The following SNX29 variants were observed in gnomAD, a reference collection of about 807,000 sequenced individuals.
SNX29 encodes the protein sorting nexin 29.
SNX29 carries 78 observed loss-of-function variants against 102.1 expected under a neutral mutation model. The observed-to-expected ratio is 0.76, with a 90% CI of 0.64 to 0.92. The LOEUF is 0.92. SNX29 is among the 40% of genes least tolerant of loss of function. The probability of loss-of-function intolerance (pLI) is 0.00; values close to 1 mark genes in which losing one functional copy is unlikely to be tolerated. For missense variants in SNX29, 1,280 were observed against 1,061.7 expected (o/e 1.21, Z -2.86); for synonymous variants, 580 against 414.5 (o/e 1.40, Z -4.85).
intron 14 of SNX29, among the ~76,000 whole-genome samples, chr16:12,233,767 C>A (rs558671107): frequency 1.2e-4 from 19 of 152,202 alleles, no homozygotes; most frequent in South Asian, 1.0e-3. Context: ...CAGTCACTCT[C>A]CACCCCAGGG....
chr16:12,323,451 G>A (rs1057101281), intron 15 of SNX29, among the ~76,000 whole-genome samples: 2 of 151,448 alleles, frequency 1.3e-5, no homozygotes, highest in Admixed American at 6.6e-5. Context: ...AACTTCAAAA[G>A]TACCATGATG....
chr16:12,371,360 G>A (rs925362888), intron 16 of SNX29, among the ~76,000 whole-genome samples: 2 of 151,874 alleles, frequency 1.3e-5, no homozygotes, highest in African/African-American at 4.8e-5. Context: ...GGGCAGTGGT[G>A]TACTTATAGC....
Position 12,334,004 on chromosome 16 carries a change from T to A in SNX29, c.1783-22159T>A, listed in dbSNP as rs147370862. Among the ~76,000 whole-genome samples, 6 of 152,116 alleles carry A rather than the reference T, an allele frequency of 3.9e-5. No individual in the cohort carries two copies. The East Asian group carries it at 1.2e-3, about 29-fold the overall frequency. ...CTTGTCTTCCCCTGTGGCTGATGGGTGTGTTTGTTAAATATCTGGGATGTT... is the reference window on the plus strand; with the variant it reads ...CTTGTCTTCCCCTGTGGCTGATGGGAGTGTTTGTTAAATATCTGGGATGTT... On this transcript the variant is annotated intron_variant, in intron 15 of 20. Transcript: ENST00000566228.
At chr16:12,470,145 C>G (rs2087265395) in intron 18 of SNX29, among the ~76,000 whole-genome samples, 1 of 152,210 alleles carries the variant, frequency 6.6e-6, no homozygotes, top group Non-Finnish European at 1.5e-5. Context: ...CCAGCTAATA[C>G]TAGTTTTCAC....
intron 20 of SNX29, among the ~76,000 whole-genome samples, chr16:12,543,646 T>A (rs954584926): frequency 6.6e-6 from 1 of 152,012 alleles, no homozygotes; most frequent in Non-Finnish European, 1.5e-5. Context: ...TGGTGCCGTC[T>A]GTCTCCAGAC....
chr16:12,311,323 C>T lies in SNX29; in HGVS notation c.1782+33287C>T, dbSNP rs143107697. On this transcript the variant is annotated intron_variant, in intron 15 of 20. Coordinates refer to ENST00000566228, the MANE Select transcript of SNX29 (RefSeq NM_032167.5). ...ATTACAAAGGGGACAGGAATTGAAG[C>T]CCTTGCTCCAAACACAGCCTCTCAC... Among the ~76,000 whole-genome samples, 1,175 of 152,292 alleles carry T rather than the reference C, an allele frequency of 7.7e-3. 8 individuals carry two copies. Among genetic ancestry groups the T allele is most frequent in the Middle Eastern group, 0.017 (5 of 294 alleles).
At chr16:12,310,108 A>G (rs953009650) in intron 15 of SNX29, among the ~76,000 whole-genome samples, 53 of 136,894 alleles carry the variant, frequency 3.9e-4, no homozygotes, top group Admixed American at 3.6e-4. Context: ...ACATGCACAC[A>G]TACACGTGCA....
At chr16:11,984,642 C>A (rs979995829) in intron 1 of SNX29, among the ~76,000 whole-genome samples, 6 of 152,018 alleles carry the variant, frequency 3.9e-5, no homozygotes, top group Non-Finnish European at 7.4e-5. Flanking sequence ...CTCTCTCTCT[C>A]CCTTCCTCCC....
At chr16:12,237,601 G>T (rs773310730) in intron 14 of SNX29, among the ~76,000 whole-genome samples, 2 of 151,188 alleles carry the variant, frequency 1.3e-5, no homozygotes, top group African/African-American at 2.4e-5. Context: ...TGAAACCCCC[G>T]TCTCTACTAA....
In SNX29 at chr16:12,258,846, T is replaced by C. The variant is rs535746121; in HGVS notation, c.1679-19087T>C. On this transcript the variant is annotated intron_variant, in intron 14 of 20. Coordinates refer to ENST00000566228, the MANE Select transcript of SNX29 (RefSeq NM_032167.5). ...GAGCGTTGTTATTTTTTATCTAATATATAATGAGACACCAAGGAGGACTTC... is the reference window on the plus strand; with the variant it reads ...GAGCGTTGTTATTTTTTATCTAATACATAATGAGACACCAAGGAGGACTTC... 6.6e-5 allele frequency among the ~76,000 whole-genome samples: 10 copies of C among 152,258 alleles called. 1 individual carries two copies. In the South Asian group the frequency reaches 1.7e-3, roughly 25 times the overall value.
rs370615332 is a variant in SNX29, at chr16:12,146,488, A to G, written c.1595+16730A>G. On this transcript the variant is annotated intron_variant, in intron 13 of 20. Transcript: ENST00000566228. The stretch of plus-strand genomic sequence containing the variant: ...GCCATGTTGGCCAGGCTGGTCTCGA[A>G]CTCTTGACCTCAAGTGATCCACCCG... Among the ~76,000 whole-genome samples, 13 of 152,120 alleles carry G rather than the reference A, an allele frequency of 8.5e-5. No homozygotes were observed. In the East Asian group the frequency reaches 1.7e-3, roughly 20 times the overall value.
intron 3 of SNX29, among the ~76,000 whole-genome samples, chr16:12,005,621 A>G (rs2056426955): frequency 6.6e-6 from 1 of 152,080 alleles, no homozygotes; most frequent in Admixed American, 6.6e-5. Context: ...CTTCATTACC[A>G]TGCTGTCCAC....
At chr16:11,985,079 A>G (rs1440186128) in intron 1 of SNX29, among the ~76,000 whole-genome samples, 4 of 152,016 alleles carry the variant, frequency 2.6e-5, no homozygotes, top group Non-Finnish European at 5.9e-5. Context: ...TTAACATCGA[A>G]GAGTTTATCA....
intron 3 of SNX29, among the ~76,000 whole-genome samples, chr16:12,024,090 A>C (rs575919952): frequency 1.3e-5 from 2 of 152,168 alleles, no homozygotes; most frequent in African/African-American, 4.8e-5. Context: ...AGAATGAGGA[A>C]ACATTCAGGA....
intron 11 of SNX29, among the ~76,000 whole-genome samples, chr16:12,103,895 A>G (rs1301397316): frequency 1.3e-5 from 2 of 152,216 alleles, no homozygotes; most frequent in African/African-American, 4.8e-5. Flanking sequence ...CTCCATGATC[A>G]TCCTTCTGTG....
At chr16:12,054,214 C>T (rs1490172625) in intron 8 of SNX29, among the ~76,000 whole-genome samples, 1 of 152,230 alleles carries the variant, frequency 6.6e-6, no homozygotes, top group East Asian at 1.9e-4. Context: ...GATCTGCCCG[C>T]CTTGGCCTCC....
At chr16:12,549,414 G>C (rs529383149) in intron 20 of SNX29, among the ~76,000 whole-genome samples, 2 of 152,180 alleles carry the variant, frequency 1.3e-5, no homozygotes, top group South Asian at 2.1e-4. Flanking sequence ...AGAATCTCTT[G>C]AACCTGGGAG....
chr16:12,256,627 T>C (rs185782060), intron 14 of SNX29, among the ~76,000 whole-genome samples: 1 of 152,278 alleles, frequency 6.6e-6, no homozygotes, highest in East Asian at 1.9e-4. Flanking sequence ...GCGCCCGGCC[T>C]CCTGAGAATT....
chr16:12,304,828 T>A (rs2080289656), intron 15 of SNX29, among the ~76,000 whole-genome samples: 1 of 152,274 alleles, frequency 6.6e-6, no homozygotes, highest in Non-Finnish European at 1.5e-5. Context: ...CTCATTTACC[T>A]AGCATGATGG....
Sources: allele counts gnomAD v4.1 joint callset (sites outside exome capture counted in the v4.1 genomes callset), GRCh38; gene constraint gnomAD v4.1.1; transcripts MANE v1.5; gene names NCBI Gene and HGNC (gene_info 2026-07-23, HGNC 2026-07-21).